Variants in MAP3K7CL observed in about 807,000 individuals in gnomAD.
MAP3K7CL encodes MAP3K7 C-terminal-like protein.
MAP3K7CL carries 16 observed loss-of-function variants against 18.6 expected under a neutral mutation model. The observed-to-expected ratio is 0.86, with a 90% CI of 0.58 to 1.31. The LOEUF (loss-of-function observed/expected upper bound fraction) is 1.31, where lower values mean the gene tolerates loss of function less well. Ranked by LOEUF, MAP3K7CL falls within the 50% of genes most tolerant of loss-of-function variation. MAP3K7CL has a pLI of 0.00. For missense variants in MAP3K7CL, 163 were observed against 174.4 expected (o/e 0.93, Z 0.37); for synonymous variants, 65 against 66.8 (o/e 0.97, Z 0.13).
intron 4 of MAP3K7CL, among the ~76,000 whole-genome samples, chr21:29,161,011 T>TA (rs1289715404): frequency 3.3e-5 from 5 of 152,238 alleles, no homozygotes; most frequent in African/African-American, 4.8e-5. Flanking sequence ...CTCAGCTAAT[T>TA]AAAAAATATT....
intron 3 of MAP3K7CL, among the ~76,000 whole-genome samples, chr21:29,159,458 T>C (rs1458307480): frequency 6.6e-6 from 1 of 152,198 alleles, no homozygotes; most frequent in Non-Finnish European, 1.5e-5. Flanking sequence ...TTAGCCCAAA[T>C]GCATTTCTCA....
At chr21:29,146,578 A>G (rs1301329389) in intron 2 of MAP3K7CL, among the ~76,000 whole-genome samples, 2 of 152,216 alleles carry the variant, frequency 1.3e-5, no homozygotes, top group Non-Finnish European at 2.9e-5. Context: ...ACTGAATCTC[A>G]GTTCCTCTGA....
intron 3 of MAP3K7CL, among the ~76,000 whole-genome samples, chr21:29,153,650 T>C (rs1438341275): frequency 6.6e-6 from 1 of 152,164 alleles, no homozygotes; most frequent in Non-Finnish European, 1.5e-5. Flanking sequence ...GGTTTTGCCA[T>C]GTTGCCCAGA....
At chr21:29,083,585 T>G (rs2085872965), upstream of MAP3K7CL, among the ~76,000 whole-genome samples, 1 of 152,186 alleles carries the variant, frequency 6.6e-6, no homozygotes, top group Non-Finnish European at 1.5e-5. Context: ...TTATGGCCGC[T>G]ATGAATCTTC....
intron 4 of MAP3K7CL, among the ~76,000 whole-genome samples, chr21:29,170,552 C>A (rs913719676): frequency 2.6e-5 from 4 of 152,040 alleles, no homozygotes; most frequent in African/African-American, 9.7e-5. Context: ...TTATATGACA[C>A]AAGTAATTTG....
chr21:29,155,509 TCC>T (rs2087380430), intron 3 of MAP3K7CL, among the ~76,000 whole-genome samples: 2 of 152,072 alleles, frequency 1.3e-5, no homozygotes, highest in African/African-American at 4.8e-5. Context: ...GGGAGTGGAA[TCC>T]ACTTCGGGAG....
intron 4 of MAP3K7CL, among the ~76,000 whole-genome samples, chr21:29,167,986 C>T (rs1568974026): frequency 6.6e-6 from 1 of 152,124 alleles, no homozygotes; most frequent in Non-Finnish European, 1.5e-5. Context: ...TTGTGAACCA[C>T]CACGCCCGGC....
chr21:29,160,589 T>G (rs1175209205), intron 4 of MAP3K7CL, among the ~76,000 whole-genome samples: 1 of 152,234 alleles, frequency 6.6e-6, no homozygotes. Context: ...CACTCATAAC[T>G]TTTTGTTTCT....
rs578192831 is a variant in MAP3K7CL at position 29,109,307 on chromosome 21, T to C, written c.370+16726T>C. 4.8e-6 allele frequency: 7 copies of C among 1,472,486 alleles called. No homozygotes were observed. In the African/African-American group the frequency reaches 8.4e-5, roughly 18 times the overall value. 91.2% of individuals were successfully genotyped at this position (1,472,486 alleles called of 1,614,324 possible). ...GCTTATTTTGTGCCCATTTAATTAA[T>C]GCCATGATCACTATTCCTTCTAGTA... is the stretch of plus-strand genomic sequence containing the variant. On this transcript the variant is annotated intron_variant, in intron 4 of 6. Transcript: ENST00000286791.
chr21:29,142,882 G>A (rs1424734005), intron 2 of MAP3K7CL, among the ~76,000 whole-genome samples: 1 of 152,170 alleles, frequency 6.6e-6, no homozygotes, highest in Non-Finnish European at 1.5e-5. Flanking sequence ...TGGCCAACCC[G>A]AGATTCAAAT....
intron 2 of MAP3K7CL, among the ~76,000 whole-genome samples, chr21:29,145,252 C>T (rs1428271611): frequency 1.3e-5 from 2 of 151,964 alleles, no homozygotes; most frequent in Non-Finnish European, 2.9e-5. Flanking sequence ...GATTTTGTCC[C>T]ATTATAAACA....
intron 3 of MAP3K7CL, among the ~76,000 whole-genome samples, chr21:29,151,300 T>C (rs1447773616): frequency 6.6e-6 from 1 of 151,334 alleles, no homozygotes; most frequent in African/African-American, 2.4e-5. Flanking sequence ...CTACTAAAAA[T>C]ACAAAAATTA....
rs116998400 is a variant in MAP3K7CL, at chr21:29,169,025, A to G, written c.249-5687A>G. Among the ~76,000 whole-genome samples, 158 of 152,294 alleles carry G rather than the reference A, an allele frequency of 1.0e-3. 1 individual carries two copies. The East Asian group carries it at 0.025, about 24-fold the overall frequency. ...GGTTCTTAATCAGGAAATTCTCCAC[A>G]CCTGCCCCACCCTACATTGGCAATA... On this transcript the variant is annotated intron_variant, in intron 4 of 4. Coordinates refer to ENST00000399928, the MANE Select transcript of MAP3K7CL (RefSeq NM_001286620.2).
intron 4 of MAP3K7CL, among the ~76,000 whole-genome samples, chr21:29,108,267 G>A (rs1009803964): frequency 6.6e-5 from 10 of 152,054 alleles, no homozygotes; most frequent in East Asian, 1.9e-4. Context: ...CTCTCCATGC[G>A]CACACAAAAA....
At chr21:29,097,003 C>T (rs1314359864) in intron 4 of MAP3K7CL, among the ~76,000 whole-genome samples, 1 of 152,158 alleles carries the variant, frequency 6.6e-6, no homozygotes, top group Non-Finnish European at 1.5e-5. Context: ...CGGCTAAGAA[C>T]TCTGATAGGA....
intron 4 of MAP3K7CL, among the ~76,000 whole-genome samples, chr21:29,106,005 C>T (rs1188564872): frequency 6.6e-6 from 1 of 152,036 alleles, no homozygotes; most frequent in African/African-American, 2.4e-5. Flanking sequence ...AAATTGAGAC[C>T]CCATGAACCT....
chr21:29,159,831 A>G (rs1462364896), intron 3 of MAP3K7CL, 110 bp from the exon 4 acceptor site: 1 of 777,152 alleles, frequency 1.3e-6, no homozygotes, highest in Non-Finnish European at 2.1e-6. Context: ...ACGTTAAAAA[A>G]AAAAAAGAAG....
chr21:29,117,364 T>C (rs904645447), intron 4 of MAP3K7CL, among the ~76,000 whole-genome samples: 3 of 152,224 alleles, frequency 2.0e-5, no homozygotes, highest in African/African-American at 7.2e-5. Flanking sequence ...TGGGCAGCCA[T>C]TCATTTGTGG....
chr21:29,162,242 C>A (rs1047135507), intron 4 of MAP3K7CL, among the ~76,000 whole-genome samples: 1 of 150,778 alleles, frequency 6.6e-6, no homozygotes, highest in African/African-American at 2.4e-5. Context: ...GTAATTATGT[C>A]TCTATTTATA....
Sources: gnomAD v4.1 joint callset for allele counts (sites outside exome capture counted in the v4.1 genomes callset) on GRCh38, gnomAD v4.1.1 for gene constraint, MANE v1.5 for transcripts, NCBI Gene and HGNC (gene_info 2026-07-23, HGNC 2026-07-21) for gene names.